The following GLIS3 variants were observed in gnomAD, a reference collection of about 807,000 sequenced individuals.
GLIS3 encodes GLIS family zinc finger 3.
A neutral mutation model predicts 78.6 loss-of-function variants in GLIS3; 53 were observed. The ratio of observed to expected loss-of-function variants is 0.67; its 90% confidence interval spans 0.54 to 0.85. The LOEUF is 0.85. Among genes scored for constraint, GLIS3 ranks in the 40% least tolerant of loss-of-function variants. GLIS3 has a pLI of 0.00. For synonymous variants in GLIS3, 684 were observed against 509.9 expected (o/e 1.34, Z -4.60); for missense variants, 1,703 against 1,231.1 (o/e 1.38, Z -5.74).
the GLIS3 span, among the ~76,000 whole-genome samples, chr9:4,383,214 A>T: frequency 6.6e-6 from 1 of 152,224 alleles, no homozygotes; most frequent in Non-Finnish European, 1.5e-5. Context: ...TGGCATTAAC[A>T]TTCTGTAGAA....
intron 6 of GLIS3, among the ~76,000 whole-genome samples, chr9:3,923,952 C>T (rs939912320): frequency 4.6e-5 from 7 of 152,182 alleles, no homozygotes; most frequent in African/African-American, 1.7e-4. Flanking sequence ...GAGCCTCTCC[C>T]CAGAAAAATA....
At chr9:4,336,119 G>C (rs1817752564) in intron 2 of GLIS3, among the ~76,000 whole-genome samples, 1 of 152,158 alleles carries the variant, frequency 6.6e-6, no homozygotes, top group African/African-American at 2.4e-5. Flanking sequence ...TATTAAAGTA[G>C]GGTCACAATA....
chr9:4,183,764 T>C (rs2131183256), intron 2 of GLIS3, among the ~76,000 whole-genome samples: 1 of 152,382 alleles, frequency 6.6e-6, no homozygotes, highest in Middle Eastern at 3.4e-3. Context: ...TAAAGAGTTC[T>C]TTCTATTTCT....
At chr9:3,953,789 CTCTCTCTATATATA>C (rs753985843) in intron 4 of GLIS3, among the ~76,000 whole-genome samples, 17 of 45,516 alleles carry the variant, frequency 3.7e-4, no homozygotes, top group East Asian at 9.2e-4. Flanking sequence ...CTCTCTCTCT[CTCTCTCTATATATA>C]TATATATATA....
chr9:4,161,190 T>G (rs1222307773), intron 2 of GLIS3, among the ~76,000 whole-genome samples: 1 of 152,110 alleles, frequency 6.6e-6, no homozygotes, highest in Non-Finnish European at 1.5e-5. Flanking sequence ...GGAAGATTGC[T>G]TAAGCCCAGG....
intron 4 of GLIS3, among the ~76,000 whole-genome samples, chr9:3,988,066 C>G (rs1819919258): frequency 6.6e-6 from 1 of 151,880 alleles, no homozygotes; most frequent in African/African-American, 2.4e-5. Context: ...AAATATTCAC[C>G]ACAATCAAGC....
At chr9:4,035,071 T>G (rs1824191565) in intron 4 of GLIS3, 1 of 152,124 alleles carries the variant, frequency 6.6e-6, no homozygotes, top group Non-Finnish European at 1.5e-5. Context: ...AGCAGAAACT[T>G]GAAAAGAAGC....
Position 4,230,906 on chromosome 9 carries a change from TTAAAA to T in GLIS3, c.388+55127_388+55131del, listed in dbSNP as rs539284346. Among the ~76,000 whole-genome samples, 627 of 152,178 alleles carry T rather than the reference TTAAAA, an allele frequency of 4.1e-3. 2 individuals carry two copies. The highest frequency in any genetic ancestry group is 7.1e-3 in the Non-Finnish European group (480 of 67,984). ...TTCATAGAACAGTCATACAAAGACTTTAAAATAAAAATGTTTAGAGCCAGGTGCAG... is the reference window on the plus strand; with the variant it reads ...TTCATAGAACAGTCATACAAAGACTTTAAAAATGTTTAGAGCCAGGTGCAG... On this transcript the variant is annotated intron_variant, in intron 2 of 10. Transcript: ENST00000381971.
the GLIS3 span, among the ~76,000 whole-genome samples, chr9:4,363,649 A>T: frequency 6.6e-6 from 1 of 152,340 alleles, no homozygotes; most frequent in East Asian, 1.9e-4. Context: ...GGCATCCAGA[A>T]CTGGATTCTC....
intron 7 of GLIS3, among the ~76,000 whole-genome samples, chr9:3,896,339 GC>G (rs1822828631): frequency 6.6e-6 from 1 of 152,086 alleles, no homozygotes; most frequent in South Asian, 2.1e-4. Flanking sequence ...AAGTTAGAAA[GC>G]AAAATCATAC....
At position 4,044,112 on chromosome 9, in the gene GLIS3, G is replaced by A. The variant is rs79920797; in HGVS notation, c.1710+73656C>T. On this transcript the variant is annotated intron_variant, in intron 4 of 10. Coordinates refer to ENST00000381971, the MANE Select transcript of GLIS3 (RefSeq NM_001042413.2). ...ACCTTCAGTGTCCCAGAGAAGCTGAGCAACCTTCTGAGGATGCCCATCAGA... is the reference window on the plus strand; with the variant it reads ...ACCTTCAGTGTCCCAGAGAAGCTGAACAACCTTCTGAGGATGCCCATCAGA... Among the ~76,000 whole-genome samples the A allele has an allele frequency of 5.9e-3, 892 of 152,296 alleles. 12 individuals carry two copies. Among genetic ancestry groups the A allele is most frequent in the East Asian group, 0.027 (141 of 5,184 alleles).
chr9:4,207,842 G>T (rs967406973), intron 2 of GLIS3, among the ~76,000 whole-genome samples: 1 of 152,158 alleles, frequency 6.6e-6, no homozygotes, highest in Non-Finnish European at 1.5e-5. Flanking sequence ...AAAGCAAAGG[G>T]AATGATCTTT....
chr9:4,124,552 G>C (rs1832426056), intron 3 of GLIS3, among the ~76,000 whole-genome samples: 1 of 152,162 alleles, frequency 6.6e-6, no homozygotes, highest in South Asian at 2.1e-4. Flanking sequence ...GTCCCTTAAG[G>C]CATAATCATC....
At chr9:4,385,011 C>CAGAT in the GLIS3 span, among the ~76,000 whole-genome samples, 36 of 152,206 alleles carry the variant, frequency 2.4e-4, no homozygotes, top group Non-Finnish European at 7.3e-5. Flanking sequence ...AAACCAAGGG[C>CAGAT]AGATGCCTCA....
intron 2 of GLIS3, among the ~76,000 whole-genome samples, chr9:4,141,962 T>C (rs1280164987): frequency 6.6e-6 from 1 of 152,208 alleles, no homozygotes; most frequent in East Asian, 1.9e-4. Flanking sequence ...GATTGGAACA[T>C]GAGTTAGTAT....
At chr9:4,006,627 G>A (rs1383374531) in intron 4 of GLIS3, among the ~76,000 whole-genome samples, 1 of 152,130 alleles carries the variant, frequency 6.6e-6, no homozygotes, top group East Asian at 1.9e-4. Flanking sequence ...ACAGAGCACT[G>A]TCATCTCCAT....
intron 4 of GLIS3, among the ~76,000 whole-genome samples, chr9:3,973,153 T>G (rs1241347900): frequency 6.6e-6 from 1 of 152,178 alleles, no homozygotes; most frequent in African/African-American, 2.4e-5. Context: ...GCAAGTCTGC[T>G]AGGGTTCCAA....
intron 4 of GLIS3, among the ~76,000 whole-genome samples, chr9:4,008,122 G>C (rs1415004400): frequency 2.0e-5 from 3 of 152,162 alleles, no homozygotes; most frequent in Non-Finnish European, 4.4e-5. Flanking sequence ...TGAAATATTT[G>C]TTGACCATAA....
At chr9:4,295,573 C>G (rs1319610468) in intron 1 of GLIS3, among the ~76,000 whole-genome samples, 2 of 152,012 alleles carry the variant, frequency 1.3e-5, no homozygotes, top group African/African-American at 4.8e-5. Context: ...AAAAACCAGA[C>G]AAAACTAATA....
Sources: allele counts gnomAD v4.1 joint callset (sites outside exome capture counted in the v4.1 genomes callset), GRCh38; gene constraint gnomAD v4.1.1; transcripts MANE v1.5; gene names NCBI Gene and HGNC (gene_info 2026-07-23, HGNC 2026-07-21).